Variants in KDM1A observed in about 807,000 individuals in gnomAD.
KDM1A encodes lysine-specific histone demethylase 1A.
KDM1A carries 49 observed loss-of-function variants against 109.4 expected under a neutral mutation model. The ratio of observed to expected loss-of-function variants is 0.45; its 90% CI spans 0.36 to 0.57. The LOEUF (loss-of-function observed/expected upper bound fraction) is 0.57, where lower values mean the gene tolerates loss of function less well. Ranked by LOEUF, KDM1A falls within the 20% of genes least tolerant of loss-of-function variation. The pLI is 0.00. For synonymous variants in KDM1A, 380 were observed against 415.4 expected (o/e 0.91, Z 1.04); for missense variants, 668 against 1,116.6 (o/e 0.60, Z 5.73).
chr1:23,056,437 A>G (rs1259008929), intron 7 of KDM1A, among the ~76,000 whole-genome samples: 2 of 152,136 alleles, frequency 1.3e-5, no homozygotes, highest in Non-Finnish European at 2.9e-5. Flanking sequence ...AGAAGCCAAG[A>G]TACTGGTTTT....
At chr1:23,067,114 T>A (rs1643180366) in intron 10 of KDM1A, among the ~76,000 whole-genome samples, 1 of 152,220 alleles carries the variant, frequency 6.6e-6, no homozygotes, top group Admixed American at 6.5e-5. Context: ...GAAGCCTGAT[T>A]CTCTGCCTCA....
At chr1:23,043,654 A>G (rs1014525459) in intron 2 of KDM1A, among the ~76,000 whole-genome samples, 1 of 152,214 alleles carries the variant, frequency 6.6e-6, no homozygotes. Context: ...TCAGAAGACA[A>G]TCTATTCTTT....
At chr1:23,061,329 G>GCC (rs1642994356) in intron 9 of KDM1A, among the ~76,000 whole-genome samples, 1 of 152,142 alleles carries the variant, frequency 6.6e-6, no homozygotes, top group Non-Finnish European at 1.5e-5. Context: ...ACCAGGACCA[G>GCC]CCCTTTGAGT....
At chr1:23,065,989 A>C in intron 9 of KDM1A, 71 bp from the exon 10 acceptor site, 1 of 1,589,748 alleles carries the variant, frequency 6.3e-7, no homozygotes, top group Non-Finnish European at 8.5e-7. Context: ...CTGTCATACA[A>C]AACTAAACTT....
rs772347870 is a variant in KDM1A at position 23,019,588 on chromosome 1, C to A, written c.-9C>A. On this transcript the variant is annotated 5_prime_UTR_variant, in exon 1 of 21. Transcript: ENST00000400181. ...GCCCCTACGGCCGTCGGCGGCCCGG[C>A]GGCCCGAGATGTTATCTGGGAAGAA... 2 of 1,400,194 alleles carry A rather than the reference C, an allele frequency of 1.4e-6. No individual in the cohort carries two copies. Among genetic ancestry groups the A allele is most frequent in the Non-Finnish European group, 1.8e-6 (2 of 1,086,100 alleles). The allele number at this position is 1,400,194 out of a possible 1,614,324, so 86.7% of individuals were successfully genotyped here.
intron 10 of KDM1A, among the ~76,000 whole-genome samples, chr1:23,066,807 A>G (rs1247872542): frequency 6.6e-6 from 1 of 152,248 alleles, no homozygotes. Context: ...TTAGATTTCC[A>G]GAACCATCTT....
intron 2 of KDM1A, 130 bp downstream of exon 2, chr1:23,030,764 G>T: frequency 1.1e-6 from 1 of 925,456 alleles, no homozygotes; most frequent in Non-Finnish European, 1.6e-6. Flanking sequence ...TGAGTCTCCT[G>T]CCATGTGTGT....
chr1:23,021,534 G>A lies in KDM1A; in HGVS notation c.351+1587G>A, dbSNP rs982788855. ...AAAAAATTAGCCGGGCGTGGTGGCGGGCGCCTGTAATCCCAGCTACTCCGG... is the reference window on the plus strand; with the variant it reads ...AAAAAATTAGCCGGGCGTGGTGGCGAGCGCCTGTAATCCCAGCTACTCCGG... On this transcript the variant is annotated intron_variant, in intron 1 of 20. Transcript: ENST00000400181. 2.6e-5 allele frequency among the ~76,000 whole-genome samples: 4 copies of A among 152,150 alleles called. No homozygotes were observed. In the South Asian group the frequency reaches 8.3e-4, roughly 32 times the overall value.
intron 1 of KDM1A, among the ~76,000 whole-genome samples, chr1:23,026,392 TTG>T (rs1414670001): frequency 2.3e-4 from 12 of 52,714 alleles, no homozygotes; most frequent in African/African-American, 8.2e-4. Flanking sequence ...GTTTGTCTGT[TTG>T]TTTTTTTTTT....
chr1:23,048,948 A>G (rs556756550), intron 3 of KDM1A, among the ~76,000 whole-genome samples: 1 of 152,080 alleles, frequency 6.6e-6, no homozygotes, highest in African/African-American at 2.4e-5. Context: ...CAGGAGTTCC[A>G]GACTAGTCTA....
At chr1:23,061,406 C>T (rs1642997036) in intron 9 of KDM1A, among the ~76,000 whole-genome samples, 1 of 152,072 alleles carries the variant, frequency 6.6e-6, no homozygotes, top group Non-Finnish European at 1.5e-5. Flanking sequence ...ATATTTTTCC[C>T]AACGAAATTG....
At chr1:23,076,161 G>A (rs956287252) in intron 15 of KDM1A, among the ~76,000 whole-genome samples, 1 of 152,136 alleles carries the variant, frequency 6.6e-6, no homozygotes, top group Non-Finnish European at 1.5e-5. Context: ...TTTTAAATGA[G>A]TGATTTCAGC....
chr1:23,072,847 C>T (rs1377114247), intron 14 of KDM1A, among the ~76,000 whole-genome samples: 1 of 152,128 alleles, frequency 6.6e-6, no homozygotes, highest in Admixed American at 6.5e-5. Context: ...CACCTGTTGG[C>T]CAGGCTGATC....
At chr1:23,053,900 T>C in intron 5 of KDM1A, 61 bp downstream of exon 5, 1 of 884,556 alleles carries the variant, frequency 1.1e-6, no homozygotes, top group Non-Finnish European at 1.9e-6. Flanking sequence ...TACGTTCTTC[T>C]AGGAGCCTCA....
chr1:23,044,708 G>A (rs1279869413), intron 3 of KDM1A, among the ~76,000 whole-genome samples: 1 of 152,154 alleles, frequency 6.6e-6, no homozygotes, highest in East Asian at 1.9e-4. Context: ...CACTCTTTGT[G>A]TTTTCGAGGA....
intron 1 of KDM1A, 66 bp downstream of exon 1, chr1:23,020,013 CT>C: frequency 1.4e-6 from 2 of 1,387,484 alleles, no homozygotes; most frequent in East Asian, 3.1e-5. Context: ...CTTCTCCGCC[CT>C]CCCCCGCCGC....
chr1:23,053,926 T>C lies in KDM1A; in HGVS notation c.790+87T>C, dbSNP rs564022222. 2.0e-5 allele frequency: 15 copies of C among 738,268 alleles called. No individual in the cohort carries two copies. The South Asian group carries it at 2.3e-4, about 11-fold the overall frequency. 45.7% of individuals were successfully genotyped at this position (738,268 alleles called of 1,614,324 possible). On this transcript the variant is annotated intron_variant, in intron 5 of 20. Transcript: ENST00000400181. The stretch of plus-strand genomic sequence containing the variant: ...AGGAGCCTCATGGTTCCTTGATAAT[T>C]AATTTTTTCATTCATATTTCCATGT...
intron 10 of KDM1A, 86 bp from the exon 11 acceptor site, chr1:23,068,452 CT>C: frequency 8.8e-7 from 1 of 1,135,486 alleles, no homozygotes. Flanking sequence ...ATATTTTGAC[CT>C]TTATAAACTA....
chr1:23,042,440 A>ATTTTTTTTTT (rs769149894), intron 2 of KDM1A, among the ~76,000 whole-genome samples: 4 of 21,560 alleles, frequency 1.9e-4, no homozygotes, highest in Non-Finnish European at 2.7e-4. Context: ...GAAATATATT[A>ATTTTTTTTTT]TTTTTTTTTT....
Sources: gnomAD v4.1 joint callset for allele counts (sites outside exome capture counted in the v4.1 genomes callset) on GRCh38, gnomAD v4.1.1 for gene constraint, MANE v1.5 for transcripts, NCBI Gene and HGNC (gene_info 2026-07-23, HGNC 2026-07-21) for gene names.